Variants in C22orf42 observed in about 807,000 individuals in gnomAD.
C22orf42 encodes the protein uncharacterized protein C22orf42.
A neutral mutation model predicts 31.4 loss-of-function variants in C22orf42; 24 were observed. The ratio of observed to expected loss-of-function variants is 0.77; its 90% confidence interval spans 0.55 to 1.08. The LOEUF is 1.08. Ranked by LOEUF, C22orf42 falls within the 50% of genes least tolerant of loss-of-function variation. The pLI is 0.00. For synonymous variants in C22orf42, 96 were observed against 112.7 expected (o/e 0.85, Z 0.94); for missense variants, 276 against 327.3 (o/e 0.84, Z 1.21).
Position 32,159,005 on chromosome 22 carries a change from T to G in C22orf42, c.211A>C (p.Lys71Gln). Reference sequence around the variant, plus strand: ...TTACCTTTGGACATCTTCAGCATCTTCGGCGTCTTCGGGAGGCTGAGGTAC... The same window carrying G: ...TTACCTTTGGACATCTTCAGCATCTGCGGCGTCTTCGGGAGGCTGAGGTAC... ...MQYLSLPKTP[K>Q]MLKMSKGLDA... Residue 71 changes from lysine (K) to glutamine (Q), a missense_variant, in exon 1 of 9, where the codon AAG (lysine) becomes CAG (glutamine). Lys to Gln is a moderately conservative substitution (Grantham distance 53). Transcript: ENST00000382097. 6.2e-7 allele frequency: 1 copy of G among 1,604,224 alleles called. No individual in the cohort carries two copies. The highest frequency in any genetic ancestry group is 8.5e-7 in the Non-Finnish European group (1 of 1,175,238).
At position 32,151,517 on chromosome 22, in the gene C22orf42, G is replaced by T. The variant is rs55920759; in HGVS notation, c.435C>A (p.Gly145=). 1 of 1,613,490 alleles carries T rather than the reference G, an allele frequency of 6.2e-7. No homozygotes were observed. The highest frequency in any genetic ancestry group is 8.5e-7 in the Non-Finnish European group (1 of 1,179,478). The change falls in exon 5 of 9, where the codon GGC becomes GGA. Residue 145 remains glycine (G), a synonymous_variant. Transcript: ENST00000382097. ...CTGACGTTATATTCTCCTCCACACC[G>T]CCGTGTGCAGACACCTGCACATCTT... The part of the protein sequence containing the change: ...PTEDVQVSAH[G]GVEENITSDI...
Position 32,149,739 on chromosome 22 carries a change from A to G in C22orf42, c.682+14T>C, listed in dbSNP as rs1353650734. On this transcript the variant is annotated intron_variant, in intron 8 of 8. Coordinates refer to ENST00000382097, the MANE Select transcript of C22orf42 (RefSeq NM_001010859.3). Reference sequence around the variant, plus strand: ...CATATATATCTATATATATCTAGATATATATATACTTACAGAGGTAATCTT... The same window carrying G: ...CATATATATCTATATATATCTAGATGTATATATACTTACAGAGGTAATCTT... The G allele has an allele frequency of 1.5e-6, 2 of 1,333,994 alleles. No individual in the cohort carries two copies. The highest frequency in any genetic ancestry group is 1.5e-5 in the African/African-American group (1 of 65,460). The allele number at this position is 1,333,994 out of a possible 1,614,324, so 82.6% of individuals were successfully genotyped here. A position where few individuals can be genotyped will look rare whatever the true frequency, so the allele number is the denominator to read the frequency against.
In C22orf42 at chr22:32,154,246, A is replaced by G. The variant is rs1213089962; in HGVS notation, c.305T>C (p.Ile102Thr). Residue 102 changes from isoleucine to threonine, a missense_variant and splice_region_variant, in exon 2 of 9, where the codon ATA becomes ACA. By Grantham distance (89) the Ile-to-Thr change is moderately conservative. Coordinates refer to ENST00000382097, the MANE Select transcript of C22orf42 (RefSeq NM_001010859.3). ...TAATGATTTAATTTCCACATTACCTATATTTTCTAGAGGCCAAATCCCGTG... is the reference window on the plus strand; with the variant it reads ...TAATGATTTAATTTCCACATTACCTGTATTTTCTAGAGGCCAAATCCCGTG... ...RRHGIWPLEN[I>T]GPTEDVQASA... 1.4e-5 allele frequency: 23 copies of G among 1,607,984 alleles called. No homozygotes were observed. The highest frequency in any genetic ancestry group is 1.7e-5 in the Non-Finnish European group (20 of 1,178,326).
Position 32,152,103 on chromosome 22 carries a change from A to G in C22orf42, c.373-9T>C. On this transcript the variant is annotated splice_polypyrimidine_tract_variant and intron_variant, in intron 3 of 8. Transcript: ENST00000382097. ...TTGGCCTCAGGTATTTCCTGCAATAAGAGAAAAGAAAAAGAAACACCATGA... is the reference window on the plus strand; with the variant it reads ...TTGGCCTCAGGTATTTCCTGCAATAGGAGAAAAGAAAAAGAAACACCATGA... 6.2e-7 allele frequency: 1 copy of G among 1,605,352 alleles called. No homozygotes were observed. The highest frequency in any genetic ancestry group is 8.5e-7 in the Non-Finnish European group (1 of 1,177,856).
Position 32,149,785 on chromosome 22 carries a change from A to G in C22orf42, c.655-5T>C, listed in dbSNP as rs780294111. 6.7e-7 allele frequency: 1 copy of G among 1,491,934 alleles called. No homozygotes were observed. The highest frequency in any genetic ancestry group is 8.9e-7 in the Non-Finnish European group (1 of 1,120,228). 92.4% of individuals were successfully genotyped at this position (1,491,934 alleles called of 1,614,324 possible). On this transcript the variant is annotated splice_polypyrimidine_tract_variant and splice_region_variant and intron_variant, in intron 7 of 8. Coordinates refer to ENST00000382097, the MANE Select transcript of C22orf42 (RefSeq NM_001010859.3). ...ATCTTCATATCTCTCCTTTGCCTGC[A>G]ATAGGAGAAAGGAAAACGCCATGAG...
intron 7 of C22orf42, 158 bp from the exon 8 acceptor site, chr22:32,149,938 G>A (rs1011549369): frequency 1.8e-6 from 1 of 565,402 alleles, no homozygotes; most frequent in Non-Finnish European, 3.0e-6. Flanking sequence ...TGTGGAAAAG[G>A]CAATGGGTTT....
At chr22:32,150,924 C>T (rs759758505) in intron 6 of C22orf42, 68 bp downstream of exon 6, 32 of 1,489,006 alleles carry the variant, frequency 2.1e-5, no homozygotes, top group Non-Finnish European at 2.8e-5. Context: ...GAATCACTTA[C>T]GTTAAATGGG....
intron 2 of C22orf42, among the ~76,000 whole-genome samples, chr22:32,153,026 T>C (rs1285395931): frequency 6.6e-6 from 1 of 152,248 alleles, no homozygotes; most frequent in East Asian, 1.9e-4. Flanking sequence ...ATCTACCCTG[T>C]TGTGTTCTTC....
chr22:32,152,192 G>A (rs1325055779), intron 3 of C22orf42, 98 bp from the exon 4 acceptor site: 52 of 1,433,712 alleles, frequency 3.6e-5, no homozygotes, highest in Middle Eastern at 4.1e-4. Context: ...ATAAAAAACC[G>A]GATGTGAAAC....
At chr22:32,152,517 A>G (rs768754513) in intron 3 of C22orf42, 45 bp downstream of exon 3, 4 of 1,545,864 alleles carry the variant, frequency 2.6e-6, no homozygotes, top group East Asian at 4.5e-5. Context: ...AAGCCCCAGA[A>G]AAAACAAAAA....
At chr22:32,153,638 C>A (rs1222345055) in intron 2 of C22orf42, among the ~76,000 whole-genome samples, 1 of 152,110 alleles carries the variant, frequency 6.6e-6, no homozygotes, top group Non-Finnish European at 1.5e-5. Context: ...GAAATTCTTA[C>A]AAAGAAAAAT....
chr22:32,151,581 A>C (rs1920981256), intron 4 of C22orf42, 30 bp from the exon 5 acceptor site: 1 of 1,608,124 alleles, frequency 6.2e-7, no homozygotes, highest in African/African-American at 1.3e-5. Flanking sequence ...CAGTCAGTGC[A>C]TTGGTGCTGC....
intron 1 of C22orf42, 91 bp downstream of exon 1, chr22:32,158,893 G>C: frequency 7.1e-7 from 1 of 1,399,324 alleles, no homozygotes; most frequent in Non-Finnish European, 1.0e-6. Flanking sequence ...GGAAGCTGAG[G>C]ATGTCTCTGA....
chr22:32,157,971 G>A (rs136403), intron 1 of C22orf42, among the ~76,000 whole-genome samples: 1,870 of 152,344 alleles, frequency 0.012, 14 homozygotes, highest in Non-Finnish European at 0.02. Context: ...GGGGGCGGGG[G>A]TTGTTATTGG....
rs762093620 is a variant in C22orf42 at position 32,149,301 on chromosome 22, A to G, written c.*239T>C. ...TTGACCCACTCTGTAATGACCCAGG[A>G]TGGGGCGGGTGTTCTTCTGCATGGT... On this transcript the variant is annotated 3_prime_UTR_variant, in exon 9 of 9. Coordinates refer to ENST00000382097, the MANE Select transcript of C22orf42 (RefSeq NM_001010859.3). 1.7e-5 allele frequency: 5 copies of G among 296,436 alleles called. No individual in the cohort carries two copies. Among genetic ancestry groups the G allele is most frequent in the East Asian group, 6.1e-5 (1 of 16,396 alleles). The allele number at this position is 296,436 out of a possible 1,614,324, so 18.4% of individuals were successfully genotyped here.
chr22:32,158,958 G>A (rs961490207), intron 1 of C22orf42, 26 bp downstream of exon 1: 17 of 1,613,482 alleles, frequency 1.1e-5, no homozygotes, highest in Non-Finnish European at 1.4e-5. Context: ...ATGCCAGAGA[G>A]CAAATGGCAC....
rs370721565 is a variant in C22orf42, at chr22:32,150,343, A to G, written c.630T>C (p.Leu210=). The G allele has an allele frequency of 9.5e-5, 153 of 1,614,054 alleles. No individual in the cohort carries two copies. In the Middle Eastern group the frequency reaches 9.9e-4, roughly 10 times the overall value. The change falls in exon 7 of 9, where the codon CTT becomes CTC. Residue 210 remains leucine, a synonymous_variant. Transcript: ENST00000382097. ...CCATCTCCGGTGTCATGAGGTCTTC[A>G]AGAGAGACAGATAGGCTTTCACTGA... The part of the protein sequence containing the change: ...SGLSESLSVS[L]EDLMTPEMAK...
chr22:32,159,043 G>A lies in C22orf42; in HGVS notation c.173C>T (p.Ala58Val). Reference protein sequence around the residue: ...PAKLDLKAKKAQLMQYLSLPK... With the variant: ...PAKLDLKAKKVQLMQYLSLPK... ...GAGGCTGAGGTACTGCATGAGTTGG[G>A]CCTTCTTAGCTTTCAAATCCAATTT... The change falls in exon 1 of 9, where the codon GCC becomes GTC. Residue 58 changes from alanine (A) to valine (V), a missense_variant. Physicochemically the swap from Ala to Val is moderately conservative, Grantham distance 64 (BLOSUM62 0). Transcript: ENST00000382097. 6.2e-7 allele frequency: 1 copy of A among 1,614,198 alleles called. No individual in the cohort carries two copies. Among genetic ancestry groups the A allele is most frequent in the Non-Finnish European group, 8.5e-7 (1 of 1,180,036 alleles).
intron 5 of C22orf42, 112 bp from the exon 6 acceptor site, chr22:32,151,131 G>C: frequency 1.8e-6 from 2 of 1,108,196 alleles, no homozygotes; most frequent in Non-Finnish European, 2.7e-6. Flanking sequence ...GTGAAACAGT[G>C]ATCAAGTCAC....
Sources: gnomAD v4.1 joint callset for allele counts (sites outside exome capture counted in the v4.1 genomes callset) on GRCh38, gnomAD v4.1.1 for gene constraint, MANE v1.5 for transcripts, NCBI Gene and HGNC (gene_info 2026-07-23, HGNC 2026-07-21) for gene names.